DENND3: variants seen among roughly 807,000 people sequenced by gnomAD.
DENND3 encodes DENN domain-containing protein 3.
A neutral mutation model predicts 135.1 loss-of-function variants in DENND3; 88 were observed. That is an observed-to-expected ratio of 0.65 (90% CI 0.55 to 0.78). DENND3 has a LOEUF of 0.78. DENND3 is among the 30% of genes least tolerant of loss of function. The probability of loss-of-function intolerance (pLI) is 0.00; values close to 1 mark genes in which losing one functional copy is unlikely to be tolerated. For synonymous variants in DENND3, 693 were observed against 712.3 expected (o/e 0.97, Z 0.43); for missense variants, 1,392 against 1,688.4 (o/e 0.82, Z 3.08).
intron 13 of DENND3, among the ~76,000 whole-genome samples, chr8:141,171,622 G>A (rs1394060478): frequency 6.6e-6 from 1 of 152,272 alleles, no homozygotes; most frequent in Non-Finnish European, 1.5e-5. Flanking sequence ...TGCAACAACT[G>A]CGTGCATGAC....
chr8:141,175,950 G>T lies in DENND3; in HGVS notation c.2535+491G>T. 5.2e-6 allele frequency: 1 copy of T among 192,578 alleles called. No homozygotes were observed. Among genetic ancestry groups the T allele is most frequent in the Non-Finnish European group, 1.1e-5 (1 of 91,634 alleles). 11.9% of individuals were successfully genotyped at this position (192,578 alleles called of 1,614,324 possible). ...AACAGTTTTAACATTATATTCTAAA[G>T]GTAGTCATTTTCCCTGTCGAGGAAA... On this transcript the variant is annotated intron_variant, in intron 14 of 22. Transcript: ENST00000519811. This position sits in a 1 kb window ranked among gnomAD's most constrained non-coding sequence, Gnocchi z 5.4.
chr8:141,132,731 G>GAA (rs1816277240), intron 1 of DENND3, among the ~76,000 whole-genome samples: 1 of 152,168 alleles, frequency 6.6e-6, no homozygotes, highest in Non-Finnish European at 1.5e-5. Flanking sequence ...TTCATTCTGA[G>GAA]AAAAAACAGG....
At position 141,178,057 on chromosome 8, in the gene DENND3, T is replaced by C. The variant is rs1182204240; in HGVS notation, c.2707-10T>C. ...CTTGCTGTTTTGAAACGCACGTGTT[T>C]CTGTTGTAGGACCCTCACTACGTCC... is the stretch of plus-strand genomic sequence containing the variant. On this transcript the variant is annotated splice_polypyrimidine_tract_variant and intron_variant, in intron 15 of 22. Coordinates refer to ENST00000519811, the MANE Select transcript of DENND3 (RefSeq NM_001352890.3). 23 of 1,593,278 alleles carry C rather than the reference T, an allele frequency of 1.4e-5. No individual in the cohort carries two copies. The highest frequency in any genetic ancestry group is 2.0e-5 in the Non-Finnish European group (23 of 1,164,292).
chr8:141,191,367 T>G (rs1824729368), intron 20 of DENND3: 1 of 152,264 alleles, frequency 6.6e-6, no homozygotes, highest in Admixed American at 6.5e-5. Context: ...TATCAATAGC[T>G]CGTTCCTTCT....
chr8:141,189,664 C>G (rs567290167), intron 19 of DENND3, among the ~76,000 whole-genome samples: 8 of 152,316 alleles, frequency 5.3e-5, no homozygotes, highest in South Asian at 2.1e-4. Context: ...CAGGCAGCCC[C>G]AGCCCTGGGT....
intron 22 of DENND3, chr8:141,192,934 C>T (rs960351782): frequency 1.3e-5 from 18 of 1,385,074 alleles, no homozygotes; most frequent in African/African-American, 5.8e-5. Context: ...TCACAGTTCT[C>T]GACGCTGGAG....
rs535178446 is a variant in DENND3, at chr8:141,182,697, G to C, written c.2944+1843G>C. Among the ~76,000 whole-genome samples the C allele has an allele frequency of 6.6e-6, 1 of 152,328 alleles. No homozygotes were observed. Among genetic ancestry groups the C allele is most frequent in the East Asian group, 1.9e-4 (1 of 5,180 alleles). ...GGCCGAGAAGCTGGTAGCCGAGCAG[G>C]GCTTTTGCAAGCCTTGTGAGATTGC... is the stretch of plus-strand genomic sequence containing the variant. On this transcript the variant is annotated intron_variant, in intron 17 of 22. Coordinates refer to ENST00000519811, the MANE Select transcript of DENND3 (RefSeq NM_001352890.3). The surrounding 1 kb of genome is among the most constrained non-coding windows in gnomAD (Gnocchi z 5.9).
chr8:141,154,891 G>C lies in DENND3; in HGVS notation c.1075-958G>C, dbSNP rs1224978317. On this transcript the variant is annotated intron_variant, in intron 7 of 22. Transcript: ENST00000519811. This position sits in a 1 kb window ranked among gnomAD's most constrained non-coding sequence, Gnocchi z 4.4. Reference sequence around the variant, plus strand: ...GTTGGAATCTTCACTGAAAGAGAAAGGCATATGGGTAAGCAAAATGTGGTC... The same window carrying C: ...GTTGGAATCTTCACTGAAAGAGAAACGCATATGGGTAAGCAAAATGTGGTC... 6.6e-6 allele frequency among the ~76,000 whole-genome samples: 1 copy of C among 152,202 alleles called. No individual in the cohort carries two copies. The highest frequency in any genetic ancestry group is 6.5e-5 in the Admixed American group (1 of 15,278).
chr8:141,128,697 G>A lies in DENND3; in HGVS notation c.-11G>A, dbSNP rs1375422090. The stretch of plus-strand genomic sequence containing the variant: ...CCCGAGTGCGGTACTGGCGGCGGGC[G>A]GCGGGCAGCCATGGCGGAGGCCGCG... On this transcript the variant is annotated 5_prime_UTR_variant, in exon 1 of 23. Transcript: ENST00000519811. The surrounding 1 kb of genome is among the most constrained non-coding windows in gnomAD (Gnocchi z 4.5). 2 of 1,379,312 alleles carry A rather than the reference G, an allele frequency of 1.5e-6. No homozygotes were observed. Among genetic ancestry groups the A allele is most frequent in the Non-Finnish European group, 1.9e-6 (2 of 1,067,980 alleles). 85.4% of individuals were successfully genotyped at this position (1,379,312 alleles called of 1,614,324 possible).
chr8:141,192,204 C>T (rs552850646), intron 20 of DENND3, 127 bp from the exon 21 acceptor site: 54 of 1,314,406 alleles, frequency 4.1e-5, no homozygotes, highest in Admixed American at 3.1e-4. Flanking sequence ...ATTCCTCAGG[C>T]GCCAGGTGGC....
At chr8:141,142,203 C>T in intron 4 of DENND3, 1 of 346,854 alleles carries the variant, frequency 2.9e-6, no homozygotes, top group Admixed American at 4.0e-5. Context: ...AGCCCAAGTT[C>T]AGACATGGTC....
At position 141,144,073 on chromosome 8, in the gene DENND3, G is replaced by C; in HGVS notation, c.624-75G>C. ...GCAGACGCTGGGGAGATTCCAGTGT[G>C]ATTAGAAACGCTAACGATGACAACT... On this transcript the variant is annotated intron_variant, in intron 4 of 22. Transcript: ENST00000519811. This position sits in a 1 kb window ranked among gnomAD's most constrained non-coding sequence, Gnocchi z 4.4. 1 of 1,285,122 alleles carries C rather than the reference G, an allele frequency of 7.8e-7. No individual in the cohort carries two copies. Among genetic ancestry groups the C allele is most frequent in the Non-Finnish European group, 1.1e-6 (1 of 912,940 alleles). 79.6% of individuals were successfully genotyped at this position (1,285,122 alleles called of 1,614,324 possible). A position where few individuals can be genotyped will look rare whatever the true frequency, so the allele number is the denominator to read the frequency against.
chr8:141,173,058 G>GAGGCACC (rs1589665397), intron 13 of DENND3, among the ~76,000 whole-genome samples: 1 of 152,102 alleles, frequency 6.6e-6, no homozygotes, highest in African/African-American at 2.4e-5. Flanking sequence ...GGAGGTGGCT[G>GAGGCACC]CATTGGGTGC....
At chr8:141,149,867 AC>A in intron 5 of DENND3, among the ~76,000 whole-genome samples, 1 of 152,284 alleles carries the variant, frequency 6.6e-6, no homozygotes, top group Non-Finnish European at 1.5e-5. Flanking sequence ...CCAAGAAATT[AC>A]CACCTTTTCT....
In DENND3 at chr8:141,192,458, G is replaced by A. The variant is rs751018471; in HGVS notation, c.3498+9G>A. ...TCCAGCTCCTTCCTGAGGTATCCCA[G>A]CAGGGGCTGTGGGCCCAGCATGTGC... On this transcript the variant is annotated intron_variant, in intron 21 of 22. Transcript: ENST00000519811. 6.2e-7 allele frequency: 1 copy of A among 1,614,080 alleles called. No individual in the cohort carries two copies. Among genetic ancestry groups the A allele is most frequent in the Non-Finnish European group, 8.5e-7 (1 of 1,179,950 alleles).
intron 5 of DENND3, among the ~76,000 whole-genome samples, chr8:141,149,098 C>T (rs1818486022): frequency 6.6e-6 from 1 of 152,188 alleles, no homozygotes; most frequent in African/African-American, 2.4e-5. Flanking sequence ...TTAGTAGAGA[C>T]AAGGTTTCTC....
intron 4 of DENND3, among the ~76,000 whole-genome samples, chr8:141,143,696 G>A (rs958017342): frequency 3.3e-5 from 5 of 152,062 alleles, no homozygotes; most frequent in Admixed American, 6.5e-5. Context: ...GTGAGCCACC[G>A]CACCCACCCC....
chr8:141,193,024 A>C (rs1589734053), intron 22 of DENND3: 4 of 629,324 alleles, frequency 6.4e-6, no homozygotes, highest in Admixed American at 4.2e-5. Flanking sequence ...TCTCTCCCCC[A>C]CCCGCTCATG....
rs953529028 is a variant in DENND3, at chr8:141,128,837, G to A, written c.102+28G>A. On this transcript the variant is annotated intron_variant, in intron 1 of 22. Coordinates refer to ENST00000519811, the MANE Select transcript of DENND3 (RefSeq NM_001352890.3). This position sits in a 1 kb window ranked among gnomAD's most constrained non-coding sequence, Gnocchi z 4.5. ...GAGGGGCGGGGAAACTGAGGCGGAC[G>A]TGGGCCACGAGTCGGCAGCCGGGAC... 6 of 1,356,610 alleles carry A rather than the reference G, an allele frequency of 4.4e-6. No homozygotes were observed. The highest frequency in any genetic ancestry group is 4.8e-6 in the Non-Finnish European group (5 of 1,045,236). 84.0% of individuals were successfully genotyped at this position (1,356,610 alleles called of 1,614,324 possible).
Sources: allele counts gnomAD v4.1 joint callset (sites outside exome capture counted in the v4.1 genomes callset), GRCh38; gene constraint gnomAD v4.1.1; non-coding constraint Gnocchi (gnomAD v3.1); transcripts MANE v1.5; gene names NCBI Gene and HGNC (gene_info 2026-07-23, HGNC 2026-07-21).